RUNX1: variants seen among roughly 807,000 people sequenced by gnomAD.
RUNX1 encodes the protein RUNX family transcription factor 1.
In RUNX1, 19 loss-of-function variants were observed where a neutral mutation model predicts 42.8. The ratio of observed to expected loss-of-function variants is 0.44; its 90% CI spans 0.31 to 0.65. RUNX1 has a LOEUF of 0.65. Ranked by LOEUF, RUNX1 falls within the 30% of genes least tolerant of loss-of-function variation. RUNX1 has a pLI of 0.07. For missense variants in RUNX1, 528 were observed against 672.0 expected (o/e 0.79, Z 2.37); for synonymous variants, 271 against 289.4 (o/e 0.94, Z 0.64).
chr21:34,986,030 AC>A (rs1371264194), intron 2 of RUNX1, among the ~76,000 whole-genome samples: 1 of 151,786 alleles, frequency 6.6e-6, no homozygotes, highest in African/African-American at 2.4e-5. Flanking sequence ...GCACCACTAC[AC>A]TGGGCTAATT....
chr21:34,908,866 C>T (rs955426236), intron 2 of RUNX1, among the ~76,000 whole-genome samples: 1 of 152,016 alleles, frequency 6.6e-6, no homozygotes. Flanking sequence ...ACAGGCTTAT[C>T]TTATAATTCT....
intron 8 of RUNX1, among the ~76,000 whole-genome samples, chr21:34,797,064 C>G (rs373296635): frequency 4.6e-5 from 7 of 152,174 alleles, no homozygotes; most frequent in African/African-American, 9.7e-5. Flanking sequence ...TATTCCACCC[C>G]CCTCCTGCCT....
At chr21:35,002,426 A>ATTTATTAT (rs1555914372) in intron 2 of RUNX1, among the ~76,000 whole-genome samples, 20 of 129,262 alleles carry the variant, frequency 1.5e-4, no homozygotes, top group Non-Finnish European at 2.8e-4. Context: ...TTATTTATTT[A>ATTTATTAT]TTATTTATTT....
In RUNX1 at chr21:34,788,498, A is replaced by AT. The variant is rs1555884090; in HGVS notation, c.*3636dup. On this transcript the variant is annotated 3_prime_UTR_variant, in exon 9 of 9. Transcript: ENST00000675419. ...TAAAATAAACAAAGTAGAAAGAAGCATTTTTTTCCCTACAGTATTTAGCAA... is the reference window on the plus strand; with the variant it reads ...TAAAATAAACAAAGTAGAAAGAAGCATTTTTTTTCCCTACAGTATTTAGCAA... 1.7e-5 allele frequency: 4 copies of AT among 233,006 alleles called. No individual in the cohort carries two copies. The highest frequency in any genetic ancestry group is 1.2e-4 in the East Asian group (2 of 16,432). The allele number at this position is 233,006 out of a possible 1,614,324, so 14.4% of individuals were successfully genotyped here.
intron 2 of RUNX1, among the ~76,000 whole-genome samples, chr21:35,021,570 T>C (rs1043272483): frequency 6.6e-6 from 1 of 152,216 alleles, no homozygotes; most frequent in Non-Finnish European, 1.5e-5. Flanking sequence ...CTGAAGCAAC[T>C]GAGAAATAAA....
intron 3 of RUNX1, chr21:34,889,718 C>A (rs759652122): frequency 2.5e-6 from 3 of 1,186,306 alleles, no homozygotes; most frequent in South Asian, 1.8e-5. Flanking sequence ...CTGCGCCGGT[C>A]CCCGCGGTGC....
chr21:34,955,176 C>G (rs1326436276), intron 2 of RUNX1, among the ~76,000 whole-genome samples: 1 of 152,058 alleles, frequency 6.6e-6, no homozygotes, highest in Non-Finnish European at 1.5e-5. Context: ...CTGCAAATCA[C>G]TGTGTGCCCA....
chr21:34,918,734 C>G (rs1410029263), intron 2 of RUNX1, among the ~76,000 whole-genome samples: 1 of 152,120 alleles, frequency 6.6e-6, no homozygotes, highest in Non-Finnish European at 1.5e-5. Context: ...ATGGGGAAAC[C>G]CTGTCTCTAT....
At chr21:34,813,468 C>A (rs914529244) in intron 7 of RUNX1, among the ~76,000 whole-genome samples, 1 of 152,072 alleles carries the variant, frequency 6.6e-6, no homozygotes, top group Non-Finnish European at 1.5e-5. Context: ...GTGTGGTGAG[C>A]ACTTTCTGGA....
chr21:34,962,420 C>G (rs1441854808), intron 2 of RUNX1, among the ~76,000 whole-genome samples: 1 of 152,226 alleles, frequency 6.6e-6, no homozygotes, highest in Non-Finnish European at 1.5e-5. Context: ...TTTTCATTCT[C>G]CTGTTAACTC....
chr21:34,939,791 G>C (rs2058513294), intron 2 of RUNX1, among the ~76,000 whole-genome samples: 1 of 152,202 alleles, frequency 6.6e-6, no homozygotes, highest in Non-Finnish European at 1.5e-5. Context: ...GAGTGGTTTG[G>C]AAAGTTCTGG....
chr21:34,856,633 A>C (rs890004993), intron 6 of RUNX1, among the ~76,000 whole-genome samples: 1 of 152,062 alleles, frequency 6.6e-6, no homozygotes, highest in African/African-American at 2.4e-5. Context: ...TTCTGGGGCT[A>C]TTTTCCCTTA....
intron 2 of RUNX1, among the ~76,000 whole-genome samples, chr21:34,903,170 C>T (rs2058190830): frequency 6.6e-6 from 1 of 152,126 alleles, no homozygotes; most frequent in Non-Finnish European, 1.5e-5. Context: ...AGAATAGACC[C>T]ACAGTTACTC....
intron 4 of RUNX1, among the ~76,000 whole-genome samples, chr21:34,885,446 G>A (rs2057968881): frequency 6.6e-6 from 1 of 151,694 alleles, no homozygotes; most frequent in Non-Finnish European, 1.5e-5. Flanking sequence ...AAGCCACCAC[G>A]TTCCTTCGTT....
In RUNX1 at chr21:34,834,616, A is replaced by C; in HGVS notation, c.614-15T>G. 4 of 932,996 alleles carry C rather than the reference A, an allele frequency of 4.3e-6. No individual in the cohort carries two copies. Among genetic ancestry groups the C allele is most frequent in the African/African-American group, 1.7e-5 (1 of 57,768 alleles). The allele number at this position is 932,996 out of a possible 1,614,324, so 57.8% of individuals were successfully genotyped here. On this transcript the variant is annotated splice_polypyrimidine_tract_variant and intron_variant, in intron 6 of 8. Coordinates refer to ENST00000675419, the MANE Select transcript of RUNX1 (RefSeq NM_001754.5). ...CTGCCGATGTCCTATTGTGGGGAGC[A>C]GGGAGGGGAGGGGATGGGGGGAGGG...
chr21:35,032,196 T>G (rs1371081944), intron 2 of RUNX1, among the ~76,000 whole-genome samples: 1 of 152,206 alleles, frequency 6.6e-6, no homozygotes, highest in African/African-American at 2.4e-5. Context: ...GAAGGAGATT[T>G]TCCCCTAAAT....
At chr21:34,995,343 A>G (rs1272140050) in intron 2 of RUNX1, among the ~76,000 whole-genome samples, 1 of 152,142 alleles carries the variant, frequency 6.6e-6, no homozygotes, top group Non-Finnish European at 1.5e-5. Flanking sequence ...GTAATCCATT[A>G]AAGTCATCAT....
chr21:35,010,719 C>T (rs771825608), intron 2 of RUNX1, among the ~76,000 whole-genome samples: 2 of 152,064 alleles, frequency 1.3e-5, no homozygotes, highest in Admixed American at 6.6e-5. Context: ...ATGTGCAACT[C>T]GCTGCCAGCA....
chr21:34,852,212 CA>C (rs2057431912), intron 6 of RUNX1, among the ~76,000 whole-genome samples: 1 of 151,730 alleles, frequency 6.6e-6, no homozygotes, highest in Non-Finnish European at 1.5e-5. Flanking sequence ...CAACCACACA[CA>C]AAAAACCTCA....
Sources: gnomAD v4.1 joint callset for allele counts (sites outside exome capture counted in the v4.1 genomes callset) on GRCh38, gnomAD v4.1.1 for gene constraint, MANE v1.5 for transcripts, NCBI Gene and HGNC (gene_info 2026-07-23, HGNC 2026-07-21) for gene names.